PTPN3: variants seen among roughly 807,000 people sequenced by gnomAD.
PTPN3 encodes protein tyrosine phosphatase non-receptor type 3.
PTPN3 carries 96 observed loss-of-function variants against 132.7 expected under a neutral mutation model. The observed-to-expected ratio is 0.72, with a 90% CI of 0.61 to 0.86. The LOEUF (loss-of-function observed/expected upper bound fraction) is 0.86, where lower values mean the gene tolerates loss of function less well. Among genes scored for constraint, PTPN3 ranks in the 40% least tolerant of loss-of-function variants. The pLI, the probability that PTPN3 is intolerant of heterozygous loss-of-function variation, is 0.00. For synonymous variants in PTPN3, 398 were observed against 429.0 expected, an observed-to-expected ratio of 0.93 and a Z score of 0.89; for missense variants, 1,125 against 1,159.6, an observed-to-expected ratio of 0.97 and a Z score of 0.43.
intron 12 of PTPN3, among the ~76,000 whole-genome samples, chr9:109,424,775 C>T (rs996338874): frequency 6.6e-6 from 1 of 152,236 alleles, no homozygotes; most frequent in African/African-American, 2.4e-5. Flanking sequence ...TTCTAGGATT[C>T]CTGACTCACA....
At chr9:109,389,695 T>C (rs1839902905) in intron 21 of PTPN3, among the ~76,000 whole-genome samples, 1 of 152,210 alleles carries the variant, frequency 6.6e-6, no homozygotes, top group South Asian at 2.1e-4. Context: ...ATATTGGCTA[T>C]CTGCATTTTC....
In PTPN3 at chr9:109,389,376, C is replaced by T. The variant is rs764903987; in HGVS notation, c.2110G>A (p.Glu704Lys). The T allele has an allele frequency of 6.2e-7, 1 of 1,613,062 alleles. No individual in the cohort carries two copies. The change falls in exon 22 of 26, where the codon GAA becomes AAA. Residue 704 changes from glutamate (E) to lysine (K), a missense_variant. Glu to Lys is a moderately conservative substitution (Grantham distance 56, BLOSUM62 1). Coordinates refer to ENST00000374541, the MANE Select transcript of PTPN3 (RefSeq NM_002829.4). ...TTCACAAGGTTAGCAGCAGGAATTT[C>T]CATCTGGTAAGAAATTGGTAAAGTA... ...DYINASYVNMEIPAANLVNKY... is the reference protein window; with the variant it reads ...DYINASYVNMKIPAANLVNKY...
At chr9:109,459,530 C>T (rs977821390) in intron 2 of PTPN3, among the ~76,000 whole-genome samples, 18 of 152,200 alleles carry the variant, frequency 1.2e-4, no homozygotes, top group Admixed American at 1.2e-3. Flanking sequence ...TTTCTGGGTG[C>T]TCACTGTTTG....
intron 22 of PTPN3, 58 bp from the exon 23 acceptor site, chr9:109,383,609 T>C (rs141883815): frequency 6.3e-7 from 1 of 1,594,540 alleles, no homozygotes; most frequent in Non-Finnish European, 8.6e-7. Flanking sequence ...CTGCAAGCAG[T>C]TAACCCTGGA....
chr9:109,498,980 C>G (rs562717857), upstream of PTPN3, among the ~76,000 whole-genome samples: 1 of 152,194 alleles, frequency 6.6e-6, no homozygotes, highest in East Asian at 1.9e-4. This position sits in a 1 kb window ranked among gnomAD's most constrained non-coding sequence, Gnocchi z 4.2. Context: ...CTCGATTAGC[C>G]CTCTGCTCCT....
At chr9:109,481,320 G>T (rs1189915867) in intron 1 of PTPN3, among the ~76,000 whole-genome samples, 1 of 152,144 alleles carries the variant, frequency 6.6e-6, no homozygotes, top group Non-Finnish European at 1.5e-5. Flanking sequence ...AATACATGAG[G>T]TTAGTTTGAA....
intron 19 of PTPN3, among the ~76,000 whole-genome samples, chr9:109,394,011 C>A (rs1261781024): frequency 6.6e-6 from 1 of 152,166 alleles, no homozygotes; most frequent in African/African-American, 2.4e-5. Flanking sequence ...CAGTTCATAA[C>A]CATCAGGCAG....
rs1358021866 is a variant in PTPN3, at chr9:109,391,558, G to A, written c.1957C>T (p.Leu653Phe). 1 of 1,610,190 alleles carries A rather than the reference G, an allele frequency of 6.2e-7. No homozygotes were observed. Among genetic ancestry groups the A allele is most frequent in the Non-Finnish European group, 8.5e-7 (1 of 1,177,972 alleles). ...GCCAAACCTGGCTTTTTTCTGTAGA[G>A]TTGCTATGTGAGAAATAGAGAAAAA... ...SGTVLIQFEQ[L>F]YRKKPGLAIT... The change falls in exon 20 of 26, where the codon CTC becomes TTC. Residue 653 changes from leucine (L) to phenylalanine (F), a missense_variant. Leu to Phe is a conservative substitution (Grantham distance 22). Transcript: ENST00000374541.
chr9:109,537,205 G>T, the PTPN3 span, among the ~76,000 whole-genome samples: 1 of 152,070 alleles, frequency 6.6e-6, no homozygotes, highest in Non-Finnish European at 1.5e-5. Flanking sequence ...AGTAATAGAG[G>T]GGTCCTTAAG....
chr9:109,535,026 T>C, the PTPN3 span, among the ~76,000 whole-genome samples: 1 of 152,214 alleles, frequency 6.6e-6, no homozygotes, highest in Non-Finnish European at 1.5e-5. Context: ...GAGCAATCTT[T>C]GGAGGAAGAT....
chr9:109,538,401 C>T, the PTPN3 span, among the ~76,000 whole-genome samples: 1 of 152,182 alleles, frequency 6.6e-6, no homozygotes, highest in Admixed American at 6.5e-5. Context: ...TTGCCTCAAT[C>T]GGCTTCCAAA....
chr9:109,416,297 C>A (rs1264768080), intron 14 of PTPN3, among the ~76,000 whole-genome samples: 1 of 152,142 alleles, frequency 6.6e-6, no homozygotes, highest in South Asian at 2.1e-4. Context: ...GGCTGTCTAA[C>A]GACAGAGCAC....
chr9:109,534,269 T>C, the PTPN3 span: 1 of 1,546,674 alleles, frequency 6.5e-7, no homozygotes, highest in South Asian at 1.1e-5. Context: ...TCACCGGCGC[T>C]GAGGGCGGGG....
intron 1 of PTPN3, among the ~76,000 whole-genome samples, chr9:109,497,923 G>A (rs569275922): frequency 2.6e-4 from 38 of 148,874 alleles, no homozygotes; most frequent in Admixed American, 2.3e-3. Flanking sequence ...TGCCCGGCTG[G>A]AGCGCACGCC....
intron 5 of PTPN3, chr9:109,449,504 C>G: frequency 1.0e-6 from 1 of 985,514 alleles, no homozygotes. Flanking sequence ...AACTCCAGAC[C>G]TGTTTTGTGG....
intron 2 of PTPN3, among the ~76,000 whole-genome samples, chr9:109,458,038 G>A (rs541528836): frequency 1.5e-4 from 23 of 152,272 alleles, no homozygotes; most frequent in African/African-American, 4.1e-4. Flanking sequence ...TGCCTTCCCC[G>A]CTCCATGTTT....
intron 1 of PTPN3, among the ~76,000 whole-genome samples, chr9:109,469,803 C>T (rs915221051): frequency 6.6e-6 from 1 of 152,154 alleles, no homozygotes; most frequent in Non-Finnish European, 1.5e-5. Context: ...CTACAGTAAT[C>T]AACCTACATC....
At chr9:109,512,774 A>G in the PTPN3 span, among the ~76,000 whole-genome samples, 1 of 152,172 alleles carries the variant, frequency 6.6e-6, no homozygotes, top group African/African-American at 2.4e-5. Context: ...GGGACCTCCT[A>G]CACAAAATGT....
intron 1 of PTPN3, among the ~76,000 whole-genome samples, chr9:109,496,713 C>T (rs1847683790): frequency 1.3e-5 from 2 of 152,038 alleles, no homozygotes; most frequent in South Asian, 2.1e-4. Context: ...TAAAGGGGTG[C>T]TGGGGTGGCA....
Sources: allele counts gnomAD v4.1 joint callset (sites outside exome capture counted in the v4.1 genomes callset), GRCh38; gene constraint gnomAD v4.1.1; non-coding constraint Gnocchi (gnomAD v3.1); transcripts MANE v1.5; gene names NCBI Gene and HGNC (gene_info 2026-07-23, HGNC 2026-07-21).